PDE7B: variants seen among roughly 807,000 people sequenced by gnomAD.
PDE7B encodes phosphodiesterase 7B, also known as 3',5'-cyclic-AMP phosphodiesterase 7B.
Under a neutral mutation model 56.2 loss-of-function variants are expected in PDE7B, and 29 were observed. The ratio of observed to expected loss-of-function variants is 0.52; its 90% CI spans 0.38 to 0.70. The LOEUF (loss-of-function observed/expected upper bound fraction) is 0.70, where lower values mean the gene tolerates loss of function less well. PDE7B is among the 30% of genes least tolerant of loss of function. PDE7B has a pLI of 0.00. For missense variants in PDE7B, 490 were observed against 565.0 expected (o/e 0.87, Z 1.35); for synonymous variants, 197 against 196.9 (o/e 1.00, Z 0.00).
At chr6:136,005,396 C>T (rs568645667) in intron 2 of PDE7B, among the ~76,000 whole-genome samples, 1 of 151,994 alleles carries the variant, frequency 6.6e-6, no homozygotes, top group Non-Finnish European at 1.5e-5. Context: ...GCAAAAGAAA[C>T]TACCATCAGA....
At chr6:136,175,478 CTG>C (rs1368619470) in intron 9 of PDE7B, among the ~76,000 whole-genome samples, 1 of 152,106 alleles carries the variant, frequency 6.6e-6, no homozygotes, top group Non-Finnish European at 1.5e-5. Flanking sequence ...AAAGAGAAAA[CTG>C]AAACTGCTAG....
chr6:135,883,614 T>A (rs1297731966), intron 1 of PDE7B, among the ~76,000 whole-genome samples: 1 of 152,198 alleles, frequency 6.6e-6, no homozygotes, highest in Non-Finnish European at 1.5e-5. Flanking sequence ...GAAACCTGCT[T>A]TATTCAAAGA....
intron 1 of PDE7B, among the ~76,000 whole-genome samples, chr6:135,907,749 G>C (rs560495658): frequency 6.6e-6 from 1 of 152,060 alleles, no homozygotes; most frequent in Admixed American, 6.6e-5. Context: ...TACTCTTATA[G>C]ATAAAATTAT....
chr6:136,114,826 C>G (rs986518207), intron 3 of PDE7B: 1 of 152,244 alleles, frequency 6.6e-6, no homozygotes, highest in Non-Finnish European at 1.5e-5. Context: ...TTACCTTCCT[C>G]TAGAAGAAAG....
chr6:136,177,616 G>A (rs1211925238), intron 9 of PDE7B, among the ~76,000 whole-genome samples: 1 of 152,072 alleles, frequency 6.6e-6, no homozygotes, highest in Non-Finnish European at 1.5e-5. Context: ...CATCAAACTA[G>A]CAAAAAATGT....
At chr6:135,990,636 A>G (rs956643027) in intron 2 of PDE7B, among the ~76,000 whole-genome samples, 6 of 152,228 alleles carry the variant, frequency 3.9e-5, no homozygotes, top group Non-Finnish European at 5.9e-5. Context: ...ATTGTGCAAC[A>G]TGGTGACTAT....
chr6:135,926,367 G>A (rs946068938), intron 1 of PDE7B, among the ~76,000 whole-genome samples: 13 of 152,068 alleles, frequency 8.5e-5, no homozygotes, highest in African/African-American at 1.7e-4. Context: ...GATTACAGGC[G>A]TGAGCCACCA....
intron 1 of PDE7B, among the ~76,000 whole-genome samples, chr6:135,933,474 T>C (rs552528138): frequency 6.6e-6 from 1 of 152,374 alleles, no homozygotes; most frequent in East Asian, 1.9e-4. Context: ...CCAAACATTC[T>C]GTAGACAGCA....
At chr6:136,094,964 T>C (rs1777449393) in intron 2 of PDE7B, 1 of 152,156 alleles carries the variant, frequency 6.6e-6, no homozygotes, top group African/African-American at 2.4e-5. Context: ...ACACACACGC[T>C]CCACATACAG....
chr6:136,077,845 G>A (rs1639301290), intron 2 of PDE7B, among the ~76,000 whole-genome samples: 2 of 152,158 alleles, frequency 1.3e-5, no homozygotes, highest in Admixed American at 6.5e-5. Context: ...GGTAACGAAT[G>A]TGAATATGTT....
intron 2 of PDE7B, among the ~76,000 whole-genome samples, chr6:136,081,987 GAGTC>G (rs1777213271): frequency 6.6e-6 from 1 of 152,214 alleles, no homozygotes; most frequent in Admixed American, 6.5e-5. Flanking sequence ...ATGACTCACT[GAGTC>G]AGTCAGGGTA....
At chr6:135,878,161 C>T (rs944168532) in intron 1 of PDE7B, among the ~76,000 whole-genome samples, 5 of 152,202 alleles carry the variant, frequency 3.3e-5, no homozygotes, top group African/African-American at 1.2e-4. Flanking sequence ...CCACGTTTCT[C>T]TCATGACCAT....
At chr6:135,927,856 T>G (rs1774217538) in intron 1 of PDE7B, among the ~76,000 whole-genome samples, 1 of 152,058 alleles carries the variant, frequency 6.6e-6, no homozygotes, top group African/African-American at 2.4e-5. Flanking sequence ...ACTAACAACC[T>G]ACAAAATGGG....
At chr6:135,854,332 AC>A (rs1030876229) in intron 1 of PDE7B, among the ~76,000 whole-genome samples, 4 of 152,194 alleles carry the variant, frequency 2.6e-5, no homozygotes, top group African/African-American at 9.7e-5. Context: ...ATCAGAACAG[AC>A]TTTGAAACAT....
At chr6:135,964,062 T>G (rs1303387191) in intron 2 of PDE7B, among the ~76,000 whole-genome samples, 2 of 152,086 alleles carry the variant, frequency 1.3e-5, no homozygotes, top group Admixed American at 1.3e-4. Context: ...AAATGTGTTG[T>G]GACCACTTGT....
chr6:136,054,089 G>T (rs1583853138), intron 2 of PDE7B, among the ~76,000 whole-genome samples: 1 of 152,154 alleles, frequency 6.6e-6, no homozygotes, highest in Admixed American at 6.5e-5. Flanking sequence ...TTTGGCTTTT[G>T]TTGCCATTGC....
rs372135561 is a variant in PDE7B, at chr6:136,139,052, T to C, written c.167-8299T>C. 4.6e-5 allele frequency among the ~76,000 whole-genome samples: 7 copies of C among 152,278 alleles called. No individual in the cohort carries two copies. In the East Asian group the frequency reaches 9.7e-4, roughly 21 times the overall value. ...GTTACATATGTATACATGTGCCATG[T>C]TGGTGTGCTGCACCCATTAACTCAT... On this transcript the variant is annotated intron_variant, in intron 3 of 12. Transcript: ENST00000308191.
At chr6:136,036,794 C>T (rs922842099) in intron 2 of PDE7B, among the ~76,000 whole-genome samples, 6 of 152,124 alleles carry the variant, frequency 3.9e-5, no homozygotes, top group Admixed American at 1.3e-4. Flanking sequence ...AATGTGGAGA[C>T]GTGAAGAGAG....
intron 11 of PDE7B, among the ~76,000 whole-genome samples, chr6:136,183,153 C>T (rs1291342335): frequency 6.6e-6 from 1 of 151,176 alleles, no homozygotes; most frequent in Admixed American, 6.6e-5. Flanking sequence ...GATGGAAAAA[C>T]CTAGAACATT....
Sources: allele counts gnomAD v4.1 joint callset (sites outside exome capture counted in the v4.1 genomes callset), GRCh38; gene constraint gnomAD v4.1.1; transcripts MANE v1.5; gene names NCBI Gene and HGNC (gene_info 2026-07-23, HGNC 2026-07-21).